DYNC1H1: variants seen among roughly 807,000 people sequenced by gnomAD.
DYNC1H1 encodes cytoplasmic dynein 1 heavy chain 1.
In DYNC1H1, 51 loss-of-function variants were observed where a neutral mutation model predicts 527.1. The ratio of observed to expected loss-of-function variants is 0.10; its 90% CI spans 0.08 to 0.12. The LOEUF is 0.12. Among genes scored for constraint, DYNC1H1 ranks in the 10% least tolerant of loss-of-function variants. The probability of loss-of-function intolerance (pLI) is 1.00; values close to 1 mark genes in which losing one functional copy is unlikely to be tolerated. For missense variants in DYNC1H1, 2,771 were observed against 5,971.8 expected (o/e 0.46, Z 17.66); for synonymous variants, 2,189 against 2,278.8 (o/e 0.96, Z 1.12).
In DYNC1H1 at chr14:102,036,315, T is replaced by C. The variant is rs1219319826; in HGVS notation, c.10755-174T>C. 67 of 729,648 alleles carry C rather than the reference T, an allele frequency of 9.2e-5. No homozygotes were observed. In the South Asian group the frequency reaches 1.0e-3, roughly 11 times the overall value. The allele number at this position is 729,648 out of a possible 1,614,324, so 45.2% of individuals were successfully genotyped here. ...AGTTGTTCAAAAGGATGAGGTGATG[T>C]TAGCATTAAGCATGTAAGCTTTATT... On this transcript the variant is annotated intron_variant, in intron 56 of 77. Coordinates refer to ENST00000360184, the MANE Select transcript of DYNC1H1 (RefSeq NM_001376.5). The surrounding 1 kb of genome is among the most constrained non-coding windows in gnomAD (Gnocchi z 5.6).
At position 101,983,658 on chromosome 14, in the gene DYNC1H1, GT is replaced by G. The variant is rs1566997970; in HGVS notation, c.1461+55del. 6.4e-7 allele frequency: 1 copy of G among 1,565,506 alleles called. No individual in the cohort carries two copies. Among genetic ancestry groups the G allele is most frequent in the Non-Finnish European group, 8.7e-7 (1 of 1,151,216 alleles). On this transcript the variant is annotated intron_variant, in intron 7 of 77. Transcript: ENST00000360184. This position sits in a 1 kb window ranked among gnomAD's most constrained non-coding sequence, Gnocchi z 5.3. ...TGTGTTTTGTTTTTGTTTTTGTTTTGTTTTTTGTTTGGTGTTTTTTTTTTGT... is the reference window on the plus strand; with the variant it reads ...TGTGTTTTGTTTTTGTTTTTGTTTTGTTTTTGTTTGGTGTTTTTTTTTTGT...
At chr14:101,978,078 G>A (rs186434439) in intron 2 of DYNC1H1, among the ~76,000 whole-genome samples, 152 of 152,024 alleles carry the variant, frequency 1.0e-3, no homozygotes, top group Non-Finnish European at 1.9e-3. Context: ...TTCTTGAGAC[G>A]AAGTCTCGCT....
At chr14:102,023,093 C>T (rs2048405638) in intron 43 of DYNC1H1, 3 of 699,172 alleles carry the variant, frequency 4.3e-6, no homozygotes, top group Admixed American at 5.0e-5. Flanking sequence ...TAAGACTCCA[C>T]CTCTACAAAA....
chr14:101,996,924 G>A, intron 15 of DYNC1H1, 111 bp from the exon 16 acceptor site: 1 of 1,458,116 alleles, frequency 6.9e-7, no homozygotes, highest in East Asian at 2.5e-5. Context: ...TGTCTGGCCA[G>A]TCTTACGTGT....
Position 102,016,325 on chromosome 14 carries a change from A to G in DYNC1H1, c.7474-24A>G, listed in dbSNP as rs543300429. On this transcript the variant is annotated intron_variant, in intron 36 of 77. Transcript: ENST00000360184. The surrounding 1 kb of genome is among the most constrained non-coding windows in gnomAD (Gnocchi z 7.3). ...TTGTTGTTGAAATTTTATAAAAATC[A>G]AAGTTTAATTCCCTTTTTAATAGCG... The G allele has an allele frequency of 1.9e-6, 3 of 1,614,132 alleles. No homozygotes were observed. Among genetic ancestry groups the G allele is most frequent in the East Asian group, 4.5e-5 (2 of 44,892 alleles).
In DYNC1H1 at chr14:102,049,227, CG is replaced by C. The variant is rs2048770406; in HGVS notation, c.13373-211del. Reference sequence around the variant, plus strand: ...GACTAATTTGACCCTAGAAACTGCACGGTTCTGAGACATGCTCTGGACCAGC... The same window carrying C: ...GACTAATTTGACCCTAGAAACTGCACGTTCTGAGACATGCTCTGGACCAGC... On this transcript the variant is annotated intron_variant, in intron 74 of 77. Transcript: ENST00000360184. This position sits in a 1 kb window ranked among gnomAD's most constrained non-coding sequence, Gnocchi z 5.5. The C allele has an allele frequency of 1.5e-6, 1 of 645,230 alleles. No homozygotes were observed. Among genetic ancestry groups the C allele is most frequent in the African/African-American group, 1.8e-5 (1 of 55,224 alleles). The allele number at this position is 645,230 out of a possible 1,614,324, so 40.0% of individuals were successfully genotyped here.
intron 1 of DYNC1H1, among the ~76,000 whole-genome samples, chr14:101,966,666 T>C (rs2047671684): frequency 6.6e-6 from 1 of 152,150 alleles, no homozygotes; most frequent in Non-Finnish European, 1.5e-5. Flanking sequence ...TTGATATTTT[T>C]ATTGCATAGT....
chr14:102,015,339 C>G lies in DYNC1H1; in HGVS notation c.7242+7C>G. ...CGCTTCCCCCATGCTGCAGGTACGC[C>G]CAGGTGGGACCCCACATATCATGAC... On this transcript the variant is annotated splice_region_variant and intron_variant, in intron 35 of 77. Coordinates refer to ENST00000360184, the MANE Select transcript of DYNC1H1 (RefSeq NM_001376.5). This position sits in a 1 kb window ranked among gnomAD's most constrained non-coding sequence, Gnocchi z 6.9. The G allele has an allele frequency of 6.2e-7, 1 of 1,605,574 alleles. No homozygotes were observed. The highest frequency in any genetic ancestry group is 2.2e-5 in the East Asian group (1 of 44,618).
At position 101,991,507 on chromosome 14, in the gene DYNC1H1, A is replaced by G. The variant is rs774640832; in HGVS notation, c.2869-20A>G. On this transcript the variant is annotated intron_variant, in intron 10 of 77. Coordinates refer to ENST00000360184, the MANE Select transcript of DYNC1H1 (RefSeq NM_001376.5). Reference sequence around the variant, plus strand: ...TTGAAAAATAGATTGCTGAGTAGAAATGAAACCTTTCTTTCACAGAATGTC... The same window carrying G: ...TTGAAAAATAGATTGCTGAGTAGAAGTGAAACCTTTCTTTCACAGAATGTC... 3 of 1,614,028 alleles carry G rather than the reference A, an allele frequency of 1.9e-6. No individual in the cohort carries two copies. The highest frequency in any genetic ancestry group is 2.7e-5 in the African/African-American group (2 of 74,934).
chr14:102,048,739 AG>A, intron 74 of DYNC1H1, 70 bp downstream of exon 74: 1 of 1,445,414 alleles, frequency 6.9e-7, no homozygotes, highest in Non-Finnish European at 9.3e-7. Context: ...AACCCAGCCC[AG>A]CCACACAGCA....
chr14:102,017,748 C>T lies in DYNC1H1; in HGVS notation c.8177+244C>T, dbSNP rs1002990149. 1.2e-5 allele frequency: 7 copies of T among 585,622 alleles called. No homozygotes were observed. The highest frequency in any genetic ancestry group is 5.1e-4 in the Middle Eastern group (1 of 1,944). The allele number at this position is 585,622 out of a possible 1,614,324, so 36.3% of individuals were successfully genotyped here. ...TTGGGAGGCCGAGGCGGGCGGATCA[C>T]GAGGTCAGGAGATTGAGACCATCCT... On this transcript the variant is annotated intron_variant, in intron 40 of 77. Transcript: ENST00000360184. The surrounding 1 kb of genome is among the most constrained non-coding windows in gnomAD (Gnocchi z 4.6).
At chr14:102,046,318 T>A (rs780403473) in intron 72 of DYNC1H1, among the ~76,000 whole-genome samples, 2 of 152,126 alleles carry the variant, frequency 1.3e-5, no homozygotes, top group African/African-American at 4.8e-5. Context: ...CTTTTTCTTA[T>A]GGGAAAAAGT....
At chr14:101,984,661 G>A (rs538400879) in intron 7 of DYNC1H1, among the ~76,000 whole-genome samples, 4 of 150,514 alleles carry the variant, frequency 2.7e-5, no homozygotes, top group East Asian at 2.0e-4. Flanking sequence ...GGCCGGGCGC[G>A]GTGGCTCACG....
At chr14:102,014,906 C>A (rs1302711685) in intron 34 of DYNC1H1, among the ~76,000 whole-genome samples, 199 bp from the exon 35 acceptor site, 1 of 152,144 alleles carries the variant, frequency 6.6e-6, no homozygotes, top group Non-Finnish European at 1.5e-5. Flanking sequence ...GCCTCCACCT[C>A]CCAGGCTCAA....
In DYNC1H1 at chr14:102,041,506, C is replaced by T; in HGVS notation, c.11942-68C>T. 1 of 1,609,828 alleles carries T rather than the reference C, an allele frequency of 6.2e-7. No homozygotes were observed. Among genetic ancestry groups the T allele is most frequent in the South Asian group, 1.1e-5 (1 of 90,778 alleles). On this transcript the variant is annotated intron_variant, in intron 64 of 77. Transcript: ENST00000360184. This position sits in a 1 kb window ranked among gnomAD's most constrained non-coding sequence, Gnocchi z 4.5. ...GAGTGGGTACTTTGGGAAGAACAGT[C>T]CAGGCAGGGGAGGGCGTCTCTGAGT...
Position 102,036,375 on chromosome 14 carries a change from G to T in DYNC1H1, c.10755-114G>T. On this transcript the variant is annotated intron_variant, in intron 56 of 77. Transcript: ENST00000360184. The surrounding 1 kb of genome is among the most constrained non-coding windows in gnomAD (Gnocchi z 5.6). ...GAAAACGTCTCCGGAAACCACTCTC[G>T]GGTGGTGGTAACAGCCTATCAATCA... 7.1e-7 allele frequency: 1 copy of T among 1,403,780 alleles called. No individual in the cohort carries two copies. Among genetic ancestry groups the T allele is most frequent in the East Asian group, 2.3e-5 (1 of 43,510 alleles). The allele number at this position is 1,403,780 out of a possible 1,614,324, so 87.0% of individuals were successfully genotyped here.
intron 1 of DYNC1H1, among the ~76,000 whole-genome samples, chr14:101,968,730 T>C (rs1038751243): frequency 9.9e-5 from 15 of 151,958 alleles, no homozygotes; most frequent in African/African-American, 3.6e-4. Context: ...CCTGGCTCAT[T>C]GTTGTATTTT....
Position 102,042,770 on chromosome 14 carries a change from T to TA in DYNC1H1, c.12513+23dup. On this transcript the variant is annotated intron_variant, in intron 69 of 77. Coordinates refer to ENST00000360184, the MANE Select transcript of DYNC1H1 (RefSeq NM_001376.5). The surrounding 1 kb of genome is among the most constrained non-coding windows in gnomAD (Gnocchi z 5.7). ...CAAGGTAAGTACCTTGTCCTCCTGG[T>TA]ATGCTTTCCCCATAGAAGCTAAAGC... 1.9e-6 allele frequency: 3 copies of TA among 1,612,982 alleles called. No individual in the cohort carries two copies. Among genetic ancestry groups the TA allele is most frequent in the Non-Finnish European group, 2.5e-6 (3 of 1,179,364 alleles).
chr14:102,039,405 C>T lies in DYNC1H1; in HGVS notation c.11461-7C>T, dbSNP rs771946343. On this transcript the variant is annotated splice_polypyrimidine_tract_variant and splice_region_variant and intron_variant, in intron 60 of 77. Transcript: ENST00000360184. This position sits in a 1 kb window ranked among gnomAD's most constrained non-coding sequence, Gnocchi z 7.0. ...CTGCCTCACCGCTGCCCACTGCTTC[C>T]TTTCAGATACACTTCTTGTACCAGT... is the stretch of plus-strand genomic sequence containing the variant. 1.9e-6 allele frequency: 3 copies of T among 1,614,150 alleles called. No individual in the cohort carries two copies. Among genetic ancestry groups the T allele is most frequent in the African/African-American group, 1.3e-5 (1 of 74,954 alleles).
Sources: allele counts gnomAD v4.1 joint callset (sites outside exome capture counted in the v4.1 genomes callset), GRCh38; gene constraint gnomAD v4.1.1; non-coding constraint Gnocchi (gnomAD v3.1); transcripts MANE v1.5; gene names NCBI Gene and HGNC (gene_info 2026-07-23, HGNC 2026-07-21).